NOTCH4: variants seen among roughly 807,000 people sequenced by gnomAD.
The protein encoded by NOTCH4 is neurogenic locus notch homolog protein 4.
A neutral mutation model predicts 189.0 loss-of-function variants in NOTCH4; 138 were observed. The observed-to-expected ratio is 0.73, with a 90% CI of 0.64 to 0.84. The LOEUF is 0.84. Ranked by LOEUF, NOTCH4 falls within the 40% of genes least tolerant of loss-of-function variation. The pLI, the probability that NOTCH4 is intolerant of heterozygous loss-of-function variation, is 0.00. For missense variants in NOTCH4, 2,286 were observed against 2,605.4 expected (o/e 0.88, Z 2.67); for synonymous variants, 942 against 1,032.8 (o/e 0.91, Z 1.69).
Position 32,198,383 on chromosome 6 carries a change from C to CTT in NOTCH4, c.4756+36_4756+37dup, listed in dbSNP as rs368091638. ...CTCTGATTCTAATAGGGTCAAAGGACTTTTTTTTTTTTTCTTGGTCTGGGT... is the reference window on the plus strand; with the variant it reads ...CTCTGATTCTAATAGGGTCAAAGGACTTTTTTTTTTTTTTTCTTGGTCTGGGT... On this transcript the variant is annotated intron_variant, in intron 26 of 29. Transcript: ENST00000375023. The surrounding 1 kb of genome is among the most constrained non-coding windows in gnomAD (Gnocchi z 5.5). 2.4e-4 allele frequency: 302 copies of CTT among 1,235,332 alleles called. No homozygotes were observed. The highest frequency in any genetic ancestry group is 5.2e-4 in the South Asian group (36 of 69,272). The allele number at this position is 1,235,332 out of a possible 1,614,324, so 76.5% of individuals were successfully genotyped here.
rs780563715 is a variant in NOTCH4, at chr6:32,195,939, G to T, written c.5510C>A (p.Ala1837Asp). The change falls in exon 30 of 30, where the codon GCT becomes GAT. Residue 1837 changes from alanine to aspartate, a missense_variant. Physicochemically the swap from Ala to Asp is moderately radical, Grantham distance 126 (BLOSUM62 -2). This residue lies in a region of NOTCH4 where 383 missense variants were observed against 343.5 expected (regional missense o/e 1.11). Coordinates refer to ENST00000375023, the MANE Select transcript of NOTCH4 (RefSeq NM_004557.4). The surrounding 1 kb of genome is among the most constrained non-coding windows in gnomAD (Gnocchi z 5.4). ...CGTCCGTGCGCGCGGGAAGGGCCCA[G>T]CCTCGCGGCCCGGCGTGGCTTTGTG... is the stretch of plus-strand genomic sequence containing the variant. ...ARHKATPGRE[A>D]GPFPRARTVS... is the part of the protein sequence containing the mutation. The T allele has an allele frequency of 6.9e-6, 11 of 1,590,630 alleles. No individual in the cohort carries two copies. Among genetic ancestry groups the T allele is most frequent in the African/African-American group, 1.3e-5 (1 of 74,720 alleles).
At chr6:32,196,625 T>A (rs1787948037) in intron 28 of NOTCH4, among the ~76,000 whole-genome samples, 1 of 152,106 alleles carries the variant, frequency 6.6e-6, no homozygotes, top group South Asian at 2.1e-4. Context: ...AATGGGGCAT[T>A]GTTCTGGGGT....
In NOTCH4 at chr6:32,200,702, G is replaced by GA. The variant is rs1301462930; in HGVS notation, c.4315+128dup. On this transcript the variant is annotated intron_variant, in intron 23 of 29. Coordinates refer to ENST00000375023, the MANE Select transcript of NOTCH4 (RefSeq NM_004557.4). This position sits in a 1 kb window ranked among gnomAD's most constrained non-coding sequence, Gnocchi z 5.0. The stretch of plus-strand genomic sequence containing the variant: ...TTCAGTTAGAGAAAGCGGGGTTAGG[G>GA]AAAGTAAGTCCCCACAAAGAACATT... 13 of 755,116 alleles carry GA rather than the reference G, an allele frequency of 1.7e-5. No individual in the cohort carries two copies. Among genetic ancestry groups the GA allele is most frequent in the Non-Finnish European group, 2.3e-5 (11 of 488,344 alleles). 46.8% of individuals were successfully genotyped at this position (755,116 alleles called of 1,614,324 possible).
chr6:32,197,098 C>G, intron 27 of NOTCH4, 26 bp from the exon 28 acceptor site: 1 of 1,609,054 alleles, frequency 6.2e-7, no homozygotes, highest in South Asian at 1.1e-5. Flanking sequence ...GCCAGTGACC[C>G]CTGGGGTACC....
chr6:32,203,861 A>C lies in NOTCH4; in HGVS notation c.3140T>G (p.Ile1047Arg). 6.4e-7 allele frequency: 1 copy of C among 1,557,954 alleles called. No individual in the cohort carries two copies. Among genetic ancestry groups the C allele is most frequent in the Non-Finnish European group, 8.7e-7 (1 of 1,150,448 alleles). Reference protein sequence around the residue: ...GHTGQWCEVEIDPCHSQPCFH... With the variant: ...GHTGQWCEVERDPCHSQPCFH... Reference sequence around the variant, plus strand: ...GCAGGGTTGGCTGTGGCAGGGGTCTATCTCCACCTCACACCACTGGCCTGT... The same window carrying C: ...GCAGGGTTGGCTGTGGCAGGGGTCTCTCTCCACCTCACACCACTGGCCTGT... Residue 1047 changes from isoleucine (I) to arginine (R), a missense_variant, in exon 20 of 30, where the codon ATA becomes AGA. Around this residue, in one of 2 missense-constraint regions of NOTCH4, gnomAD observed 1,903 missense variants for 2,261.9 expected, o/e 0.84. Coordinates refer to ENST00000375023, the MANE Select transcript of NOTCH4 (RefSeq NM_004557.4).
Position 32,220,161 on chromosome 6 carries a change from G to A in NOTCH4, c.1283C>T (p.Thr428Ile). 1.9e-6 allele frequency: 3 copies of A among 1,613,876 alleles called. No individual in the cohort carries two copies. The highest frequency in any genetic ancestry group is 1.7e-4 in the Middle Eastern group (1 of 5,872). Residue 428 changes from threonine (T) to isoleucine (I), a missense_variant, in exon 7 of 30, where the codon ACC becomes ATC. Physicochemically the swap from Thr to Ile is moderately conservative, Grantham distance 89 (BLOSUM62 -1). Coordinates refer to ENST00000375023, the MANE Select transcript of NOTCH4 (RefSeq NM_004557.4). The part of the protein sequence containing the change: ...CLCQPGYSGP[T>I]CHQDLDECLM... ...ACACTCGTCCAGGTCCTGGTGGCAG[G>A]TGGGCCCCGAATAGCCAGGCTGACA... is the stretch of plus-strand genomic sequence containing the variant.
In NOTCH4 at chr6:32,200,311, C is replaced by T. The variant is rs1484192459; in HGVS notation, c.4315+520G>A. Among the ~76,000 whole-genome samples the T allele has an allele frequency of 6.6e-6, 1 of 151,770 alleles. No homozygotes were observed. Among genetic ancestry groups the T allele is most frequent in the Non-Finnish European group, 1.5e-5 (1 of 67,952 alleles). On this transcript the variant is annotated intron_variant, in intron 23 of 29. Coordinates refer to ENST00000375023, the MANE Select transcript of NOTCH4 (RefSeq NM_004557.4). The surrounding 1 kb of genome is among the most constrained non-coding windows in gnomAD (Gnocchi z 5.0). ...CTGCAAGCTCCACCTCCCAGGTTCA[C>T]GCCATTCTCCTGCCTCAGCCTCCTG...
chr6:32,207,480 C>T (rs371572077), intron 18 of NOTCH4, among the ~76,000 whole-genome samples: 11 of 151,116 alleles, frequency 7.3e-5, no homozygotes, highest in East Asian at 2.0e-4. Flanking sequence ...AAAAATTAGC[C>T]GGGCGTAGTG....
chr6:32,220,817 A>T lies in NOTCH4; in HGVS notation c.861T>A (p.Asn287Lys), dbSNP rs1789714735. The change falls in exon 5 of 30, where the codon AAT (asparagine) becomes AAA (lysine). Residue 287 changes from asparagine to lysine, a missense_variant. This residue lies in a region of NOTCH4 where 1,903 missense variants were observed against 2,261.9 expected (regional missense o/e 0.84). Transcript: ENST00000375023. Reference sequence around the variant, plus strand: ...CCAGCCCATCCTGGCAAGTGCCCCCATTCTGACACTGGTGGCTGACACAGT... The same window carrying T: ...CCAGCCCATCCTGGCAAGTGCCCCCTTTCTGACACTGGTGGCTGACACAGT... ...PDNCVSHQCQ[N>K]GGTCQDGLDT... 2 of 1,614,034 alleles carry T rather than the reference A, an allele frequency of 1.2e-6. No individual in the cohort carries two copies. Among genetic ancestry groups the T allele is most frequent in the South Asian group, 2.2e-5 (2 of 91,090 alleles).
chr6:32,212,347 T>A lies in NOTCH4; in HGVS notation c.2680+127A>T, dbSNP rs1023989940. On this transcript the variant is annotated intron_variant, in intron 17 of 29. Transcript: ENST00000375023. The surrounding 1 kb of genome is among the most constrained non-coding windows in gnomAD (Gnocchi z 4.4). The stretch of plus-strand genomic sequence containing the variant: ...ACCTCTGCAATCAAGAACTGATTTG[T>A]CTGTGTGGTTTTGATTCTCAGATGG... 1.2e-6 allele frequency: 1 copy of A among 831,294 alleles called. No individual in the cohort carries two copies. Among genetic ancestry groups the A allele is most frequent in the Non-Finnish European group, 1.9e-6 (1 of 522,928 alleles). The allele number at this position is 831,294 out of a possible 1,614,324, so 51.5% of individuals were successfully genotyped here.
Position 32,220,395 on chromosome 6 carries a change from A to T in NOTCH4, c.1159+10T>A. The T allele has an allele frequency of 1.2e-6, 2 of 1,613,340 alleles. No individual in the cohort carries two copies. Among genetic ancestry groups the T allele is most frequent in the Non-Finnish European group, 1.7e-6 (2 of 1,179,546 alleles). On this transcript the variant is annotated intron_variant, in intron 6 of 29. Coordinates refer to ENST00000375023, the MANE Select transcript of NOTCH4 (RefSeq NM_004557.4). ...TACCTCCCACCTCCTGATACCCTCT[A>T]CCCCCATACCTGTGCGTCCAGGTGG...
At position 32,223,977 on chromosome 6, in the gene NOTCH4, G is replaced by A; in HGVS notation, c.-49C>T. ...CGGTCCCTGTCCCTCTTCAGGCAGGGACCCTCAGAGCTCTCACTGGGGCAG... is the reference window on the plus strand; with the variant it reads ...CGGTCCCTGTCCCTCTTCAGGCAGGAACCCTCAGAGCTCTCACTGGGGCAG... On this transcript the variant is annotated 5_prime_UTR_variant, in exon 1 of 30. Transcript: ENST00000375023. 1 of 1,547,432 alleles carries A rather than the reference G, an allele frequency of 6.5e-7. No individual in the cohort carries two copies. The highest frequency in any genetic ancestry group is 1.2e-5 in the South Asian group (1 of 84,922).
At chr6:32,216,825 AG>A (rs1441882521) in intron 11 of NOTCH4, 119 bp downstream of exon 11, 1 of 1,214,342 alleles carries the variant, frequency 8.2e-7, no homozygotes, top group East Asian at 2.3e-5. Context: ...ATAACTTTAA[AG>A]GATACCATTC....
In NOTCH4 at chr6:32,210,806, C is replaced by A. The variant is rs189882422; in HGVS notation, c.2811G>T (p.Arg937Ser). ...CQDHVNPCES[R>S]PCQNGATCMA... Reference sequence around the variant, plus strand: ...TGCAGGTGGCCCCGTTCTGGCAAGGCCTGGACTCACATGGGTTCACGTGAT... The same window carrying A: ...TGCAGGTGGCCCCGTTCTGGCAAGGACTGGACTCACATGGGTTCACGTGAT... Residue 937 changes from arginine (R) to serine (S), a missense_variant, in exon 18 of 30, where the codon AGG becomes AGT. Physicochemically the swap from Arg to Ser is moderately radical, Grantham distance 110. Around this residue, in one of 2 missense-constraint regions of NOTCH4, gnomAD observed 1,903 missense variants for 2,261.9 expected, o/e 0.84. Coordinates refer to ENST00000375023, the MANE Select transcript of NOTCH4 (RefSeq NM_004557.4). The surrounding 1 kb of genome is among the most constrained non-coding windows in gnomAD (Gnocchi z 4.8). The A allele has an allele frequency of 4.0e-5, 65 of 1,613,052 alleles. No individual in the cohort carries two copies. In the East Asian group the frequency reaches 1.4e-3, roughly 35 times the overall value.
Position 32,197,349 on chromosome 6 carries a change from G to A in NOTCH4, c.5002C>T (p.Arg1668Cys), listed in dbSNP as rs1213449936. 4.6e-6 allele frequency: 7 copies of A among 1,535,542 alleles called. No homozygotes were observed. The highest frequency in any genetic ancestry group is 1.3e-5 in the South Asian group (1 of 79,032). ...GCCACAGCAGCATGAAGGGGTGTGC[G>A]CCCTGCCCGGTCTGGCTGGTTGGGG... The part of the protein sequence containing the change: ...ANPNQPDRAG[R>C]TPLHAAVAAD... The change falls in exon 27 of 30, where the codon CGC becomes TGC. Residue 1668 changes from arginine to cysteine, a missense_variant. Arg to Cys is a radical substitution (Grantham distance 180, BLOSUM62 -3). This residue lies in a region of NOTCH4 where 1,903 missense variants were observed against 2,261.9 expected (regional missense o/e 0.84). Transcript: ENST00000375023.
rs1789693404 is a variant in NOTCH4, at chr6:32,220,578, C to T, written c.986G>A (p.Gly329Glu). 6.2e-7 allele frequency: 1 copy of T among 1,613,920 alleles called. No individual in the cohort carries two copies. The highest frequency in any genetic ancestry group is 1.1e-5 in the South Asian group (1 of 91,090). Residue 329 changes from glycine to glutamate, a missense_variant, in exon 6 of 30, where the codon GGG becomes GAG. Gly to Glu is a moderately conservative substitution (Grantham distance 98, BLOSUM62 -2). Around this residue, in one of 2 missense-constraint regions of NOTCH4, gnomAD observed 1,903 missense variants for 2,261.9 expected, o/e 0.84. Transcript: ENST00000375023. ...ACCAGCAGAGTTCTGGCAGGTGCCC[C>T]CGTTTCTGCAGTGAGGGGGACCCTG... ...ETQGPPHCRNGGTCQNSAGSF... is the reference protein window; with the variant it reads ...ETQGPPHCRNEGTCQNSAGSF...
chr6:32,212,616 G>C lies in NOTCH4; in HGVS notation c.2538C>G (p.Asp846Glu), dbSNP rs778701085. Reference sequence around the variant, plus strand: ...GTGGGCAGGGCTTCTGGGCACATAAGTCCATCAGAGTCTGAGGGGTGGGAG... The same window carrying C: ...GTGGGCAGGGCTTCTGGGCACATAACTCCATCAGAGTCTGAGGGGTGGGAG... ...YTGGSCQTLMDLCAQKPCPRN... is the reference protein window; with the variant it reads ...YTGGSCQTLMELCAQKPCPRN... Residue 846 changes from aspartate to glutamate, a missense_variant, in exon 17 of 30, where the codon GAC (aspartate) becomes GAG (glutamate). Physicochemically the swap from Asp to Glu is conservative, Grantham distance 45 (BLOSUM62 2). Coordinates refer to ENST00000375023, the MANE Select transcript of NOTCH4 (RefSeq NM_004557.4). This position sits in a 1 kb window ranked among gnomAD's most constrained non-coding sequence, Gnocchi z 4.4. The C allele has an allele frequency of 4.7e-5, 76 of 1,610,974 alleles. No individual in the cohort carries two copies. The highest frequency in any genetic ancestry group is 3.8e-5 in the Non-Finnish European group (45 of 1,178,906).
Position 32,215,293 on chromosome 6 carries a change from G to A in NOTCH4, c.1954C>T (p.Pro652Ser), listed in dbSNP as rs764454139. ...GGGGCACAGCCAGGGCTTCCATCAG[G>A]ACAGAGGCAGTTGGCCTTGTCTTTC... ...DQKDKANCLC[P>S]DGSPGCAPPE... The change falls in exon 12 of 30, where the codon CCT becomes TCT. Residue 652 changes from proline (P) to serine (S), a missense_variant. This residue lies in a region of NOTCH4 where 1,903 missense variants were observed against 2,261.9 expected (regional missense o/e 0.84). Transcript: ENST00000375023. 7 of 1,607,558 alleles carry A rather than the reference G, an allele frequency of 4.4e-6. No individual in the cohort carries two copies. Among genetic ancestry groups the A allele is most frequent in the East Asian group, 4.5e-5 (2 of 44,772 alleles).
At position 32,198,387 on chromosome 6, in the gene NOTCH4, T is replaced by A. The variant is rs1193492527; in HGVS notation, c.4756+34A>T. On this transcript the variant is annotated intron_variant, in intron 26 of 29. Coordinates refer to ENST00000375023, the MANE Select transcript of NOTCH4 (RefSeq NM_004557.4). The surrounding 1 kb of genome is among the most constrained non-coding windows in gnomAD (Gnocchi z 5.5). ...GATTCTAATAGGGTCAAAGGACTTT[T>A]TTTTTTTTTCTTGGTCTGGGTTGAC... 6.3e-7 allele frequency: 1 copy of A among 1,576,758 alleles called. No individual in the cohort carries two copies. The highest frequency in any genetic ancestry group is 8.6e-7 in the Non-Finnish European group (1 of 1,167,234).
Sources: gnomAD v4.1 joint callset for allele counts (sites outside exome capture counted in the v4.1 genomes callset) on GRCh38, gnomAD v4.1.1 for gene constraint, gnomAD v4.1.1 regional missense constraint, Gnocchi (gnomAD v3.1) non-coding constraint, MANE v1.5 for transcripts, NCBI Gene and HGNC (gene_info 2026-07-23, HGNC 2026-07-21) for gene names.